Variants in ABCB5 observed in about 807,000 individuals in gnomAD.
ABCB5 encodes ATP-binding cassette sub-family B member 5.
Under a neutral mutation model 144.2 loss-of-function variants are expected in ABCB5, and 155 were observed. That is an observed-to-expected ratio of 1.08 (90% CI 0.94 to 1.23). The LOEUF is 1.23. Among genes scored for constraint, ABCB5 ranks in the 50% most tolerant of loss-of-function variants. ABCB5 has a pLI of 0.00. For missense variants in ABCB5, 1,830 were observed against 1,520.8 expected (o/e 1.20, Z -3.38); for synonymous variants, 610 against 528.6 (o/e 1.15, Z -2.11).
chr7:20,631,857 C>T (rs1423765913), intron 4 of ABCB5, among the ~76,000 whole-genome samples: 4 of 152,140 alleles, frequency 2.6e-5, no homozygotes, highest in South Asian at 2.1e-4. Context: ...TTTTCCAAGC[C>T]GCATGAGTAC....
chr7:20,715,336 G>A (rs10429254), intron 20 of ABCB5, among the ~76,000 whole-genome samples: 106,110 of 151,716 alleles, frequency 0.7, 37,802 homozygotes, highest in East Asian at 0.95. Flanking sequence ...GTGAGCCGCC[G>A]CGCATGGCCT....
chr7:20,659,726 A>T, intron 14 of ABCB5: 1 of 985,940 alleles, frequency 1.0e-6, no homozygotes, highest in East Asian at 1.1e-4. Context: ...TATTTAGACT[A>T]TATTCAAGCC....
At chr7:20,755,277 G>T in intron 27 of ABCB5, 150 bp from the exon 28 acceptor site, 6 of 654,064 alleles carry the variant, frequency 9.2e-6, no homozygotes, top group Non-Finnish European at 1.6e-5. Context: ...TTTCTATTGA[G>T]TAAGGTGATT....
At chr7:20,691,458 G>A (rs1786227219) in intron 16 of ABCB5, among the ~76,000 whole-genome samples, 1 of 151,662 alleles carries the variant, frequency 6.6e-6, no homozygotes, top group Non-Finnish European at 1.5e-5. Context: ...TATTTATTGA[G>A]GAAACTACCA....
intron 21 of ABCB5, among the ~76,000 whole-genome samples, chr7:20,724,650 G>T (rs543085046): frequency 5.8e-5 from 7 of 120,396 alleles, no homozygotes; most frequent in African/African-American, 2.0e-4. Flanking sequence ...AAAAAAAAAA[G>T]GGTGTTCCTC....
At chr7:20,660,536 T>A in intron 14 of ABCB5, 1 of 490,702 alleles carries the variant, frequency 2.0e-6, no homozygotes, top group Non-Finnish European at 2.6e-6. Flanking sequence ...AGAGTTCAAA[T>A]ACAGGCAGGG....
At chr7:20,741,795 C>T (rs1782569840) in intron 24 of ABCB5, among the ~76,000 whole-genome samples, 1 of 152,136 alleles carries the variant, frequency 6.6e-6, no homozygotes, top group South Asian at 2.1e-4. Context: ...CACATGCACA[C>T]ACACACACAA....
At position 20,681,568 on chromosome 7, in the gene ABCB5, T is replaced by G. The variant is rs768260237; in HGVS notation, c.1771T>G (p.Leu591Val). 16 of 1,614,024 alleles carry G rather than the reference T, an allele frequency of 9.9e-6. No individual in the cohort carries two copies. The South Asian group carries it at 1.6e-4, about 17-fold the overall frequency. ...HRLSTIRSADLIVTLKDGMLA... is the reference protein window; with the variant it reads ...HRLSTIRSADVIVTLKDGMLA... ...ACTTTCTACTATTCGAAGTGCAGAT[T>G]TGATTGTGACCCTAAAGGATGGAAT... Residue 591 changes from leucine to valine, a missense_variant, in exon 15 of 28, where the codon TTG becomes GTG. Transcript: ENST00000404938.
chr7:20,666,681 G>C, intron 14 of ABCB5: 1 of 1,521,086 alleles, frequency 6.6e-7, no homozygotes, highest in Non-Finnish European at 8.8e-7. Context: ...ATACCTAATT[G>C]TTTGGCTTTT....
chr7:20,705,827 A>T (rs527586790), intron 20 of ABCB5, among the ~76,000 whole-genome samples: 2 of 151,910 alleles, frequency 1.3e-5, no homozygotes, highest in South Asian at 4.2e-4. Flanking sequence ...TAACTTTTGC[A>T]AGACCTCTTT....
At chr7:20,647,746 A>G in intron 10 of ABCB5, 98 bp downstream of exon 10, 1 of 1,489,440 alleles carries the variant, frequency 6.7e-7, no homozygotes, top group Non-Finnish European at 9.0e-7. Context: ...TAGGATGGAC[A>G]AATTTAATGT....
At chr7:20,719,825 A>C (rs1328894197) in intron 20 of ABCB5, among the ~76,000 whole-genome samples, 1 of 152,186 alleles carries the variant, frequency 6.6e-6, no homozygotes, top group Non-Finnish European at 1.5e-5. Flanking sequence ...GGAAAAGGAG[A>C]AAACTGGAAA....
chr7:20,632,859 T>C (rs1239600816), intron 5 of ABCB5, among the ~76,000 whole-genome samples: 2 of 68,522 alleles, frequency 2.9e-5, no homozygotes, highest in African/African-American at 1.2e-4. Flanking sequence ...TGGGGACTGT[T>C]GTGGGGTTGG....
intron 14 of ABCB5, 115 bp from the exon 15 acceptor site, chr7:20,681,390 G>A: frequency 8.3e-7 from 1 of 1,204,266 alleles, no homozygotes; most frequent in Non-Finnish European, 1.1e-6. Flanking sequence ...GCCTCCCAAA[G>A]TGCTGGAATT....
Position 20,712,899 on chromosome 7 carries a change from T to C in ABCB5, c.2421+8092T>C, listed in dbSNP as rs1204920006. 4.7e-5 allele frequency among the ~76,000 whole-genome samples: 7 copies of C among 149,922 alleles called. 1 individual carries two copies. Among genetic ancestry groups the C allele is most frequent in the African/African-American group, 1.2e-4 (5 of 40,554 alleles). On this transcript the variant is annotated intron_variant, in intron 20 of 27. Coordinates refer to ENST00000404938, the MANE Select transcript of ABCB5 (RefSeq NM_001163941.2). ...CATTATTTCACATACTTATTTTTTGTGTGGTGAGAACACTTCAAATCTATT... is the reference window on the plus strand; with the variant it reads ...CATTATTTCACATACTTATTTTTTGCGTGGTGAGAACACTTCAAATCTATT...
Position 20,750,696 on chromosome 7 carries a change from T to C in ABCB5, c.3430-2664T>C, listed in dbSNP as rs544346741. Among the ~76,000 whole-genome samples the C allele has an allele frequency of 1.3e-4, 20 of 152,208 alleles. No individual in the cohort carries two copies. The South Asian group carries it at 4.0e-3, about 30-fold the overall frequency. On this transcript the variant is annotated intron_variant, in intron 26 of 27. Transcript: ENST00000404938. ...TTCTAAGGTTGAAAAAAAATCAGAATTCTTAAATACAGATAACTCCAACGG... is the reference window on the plus strand; with the variant it reads ...TTCTAAGGTTGAAAAAAAATCAGAACTCTTAAATACAGATAACTCCAACGG...
intron 5 of ABCB5, among the ~76,000 whole-genome samples, chr7:20,642,808 GT>G (rs1784322453): frequency 6.6e-6 from 1 of 152,084 alleles, no homozygotes; most frequent in Non-Finnish European, 1.5e-5. Context: ...ACTATGTATA[GT>G]TTTTAAGCTT....
In ABCB5 at chr7:20,646,134, T is replaced by A. The variant is rs746421305; in HGVS notation, c.977T>A (p.Leu326His). The A allele has an allele frequency of 3.3e-5, 53 of 1,610,254 alleles. No homozygotes were observed. The highest frequency in any genetic ancestry group is 4.2e-5 in the Non-Finnish European group (49 of 1,178,850). ...CCTGGATATACCATCGGGACTGTTCTTGCTGTAAGTCTTGTTTGAGAACAA... is the reference window on the plus strand; with the variant it reads ...CCTGGATATACCATCGGGACTGTTCATGCTGTAAGTCTTGTTTGAGAACAA... ...GEPGYTIGTV[L>H]AVFFSVIHSS... Residue 326 changes from leucine to histidine, a missense_variant, in exon 9 of 28, where the codon CTT becomes CAT. Transcript: ENST00000404938.
rs868584307 is a variant in ABCB5, at chr7:20,665,772, C to G, written c.1707+7096C>G. Among the ~76,000 whole-genome samples, 604 of 124,426 alleles carry G rather than the reference C, an allele frequency of 4.9e-3. 2 individuals carry two copies. The highest frequency in any genetic ancestry group is 9.9e-3 in the African/African-American group (295 of 29,652). The allele number at this position is 124,426 out of a possible 152,430, so 81.6% of individuals were successfully genotyped here. A position where few individuals can be genotyped will look rare whatever the true frequency, so the allele number is the denominator to read the frequency against. On this transcript the variant is annotated intron_variant, in intron 14 of 27. Transcript: ENST00000404938. ...ATAGATAGATAGATAGATAGAGATA[C>G]ATACATACATACATACATACATACA...
Sources: allele counts gnomAD v4.1 joint callset (sites outside exome capture counted in the v4.1 genomes callset), GRCh38; gene constraint gnomAD v4.1.1; transcripts MANE v1.5; gene names NCBI Gene and HGNC (gene_info 2026-07-23, HGNC 2026-07-21).